Variants in WDTC1 observed in about 807,000 individuals in gnomAD.
The protein encoded by WDTC1 is WD and tetratricopeptide repeats protein 1.
In WDTC1, 12 loss-of-function variants were observed where a neutral mutation model predicts 76.0. The ratio of observed to expected loss-of-function variants is 0.16; its 90% CI spans 0.10 to 0.26. The LOEUF (loss-of-function observed/expected upper bound fraction) is 0.26. Among genes scored for constraint, WDTC1 ranks in the 10% least tolerant of loss-of-function variants. WDTC1 has a pLI of 1.00. For synonymous variants in WDTC1, 326 were observed against 350.8 expected (o/e 0.93, Z 0.79); for missense variants, 511 against 908.8 (o/e 0.56, Z 5.63).
intron 1 of WDTC1, among the ~76,000 whole-genome samples, chr1:27,255,260 C>G (rs954681662): frequency 6.6e-6 from 1 of 152,076 alleles, no homozygotes; most frequent in Admixed American, 6.6e-5. Context: ...GGTGGATTCT[C>G]ATAGTGATTG....
intron 3 of WDTC1, among the ~76,000 whole-genome samples, chr1:27,279,888 C>T (rs545627595): frequency 6.6e-6 from 1 of 152,312 alleles, no homozygotes; most frequent in East Asian, 1.9e-4. Flanking sequence ...CTTGAACTCT[C>T]TTGGTGCAAT....
chr1:27,282,564 G>A (rs1016486021), intron 4 of WDTC1, among the ~76,000 whole-genome samples: 5 of 152,016 alleles, frequency 3.3e-5, no homozygotes, highest in South Asian at 4.1e-4. Flanking sequence ...GTGCAATGGC[G>A]TGATCTTGGC....
In WDTC1 at chr1:27,301,280, C is replaced by T; in HGVS notation, c.1287C>T (p.Asn429=). Residue 429 remains asparagine, a synonymous_variant, in exon 13 of 16, where the codon AAC becomes AAT. Transcript: ENST00000319394. The surrounding 1 kb of genome is among the most constrained non-coding windows in gnomAD (Gnocchi z 5.8). ...LRDCLKAISL[N]PCHLKAHFRL... ...ACTGCCTCAAGGCCATCTCCCTAAA[C>T]CCATGCCACCTGAAGGCACACTTTC... 1 of 1,614,198 alleles carries T rather than the reference C, an allele frequency of 6.2e-7. No homozygotes were observed. The highest frequency in any genetic ancestry group is 8.5e-7 in the Non-Finnish European group (1 of 1,180,040).
intron 3 of WDTC1, among the ~76,000 whole-genome samples, chr1:27,273,593 A>T (rs2012936791): frequency 6.6e-6 from 1 of 152,208 alleles, no homozygotes; most frequent in African/African-American, 2.4e-5. Flanking sequence ...GAGGAAAATA[A>T]AATGGACATT....
intron 3 of WDTC1, among the ~76,000 whole-genome samples, chr1:27,278,486 A>G (rs1167977146): frequency 2.0e-5 from 3 of 152,210 alleles, no homozygotes; most frequent in Non-Finnish European, 4.4e-5. Flanking sequence ...GGAAAATAAT[A>G]TAGCAGTGAA....
chr1:27,290,703 C>T (rs1318534331), intron 6 of WDTC1, among the ~76,000 whole-genome samples: 1 of 152,210 alleles, frequency 6.6e-6, no homozygotes, highest in Non-Finnish European at 1.5e-5. Context: ...CTCCTTTCTT[C>T]AGCTGTGACC....
chr1:27,252,472 C>T (rs1473600556), intron 1 of WDTC1, among the ~76,000 whole-genome samples: 2 of 152,114 alleles, frequency 1.3e-5, no homozygotes, highest in Non-Finnish European at 2.9e-5. Context: ...GTATGCAAAT[C>T]AGGGTATATT....
chr1:27,281,498 C>T (rs551385363), intron 3 of WDTC1, among the ~76,000 whole-genome samples: 1 of 151,336 alleles, frequency 6.6e-6, no homozygotes, highest in African/African-American at 2.4e-5. Context: ...AGTTAATTGG[C>T]TGTCCTTGGA....
intron 1 of WDTC1, among the ~76,000 whole-genome samples, chr1:27,248,742 C>T (rs948700940): frequency 1.3e-5 from 2 of 152,094 alleles, no homozygotes; most frequent in African/African-American, 4.8e-5. Flanking sequence ...TCACTGTAGC[C>T]GAAACCTCCT....
chr1:27,289,134 C>T (rs1320368905), intron 6 of WDTC1, among the ~76,000 whole-genome samples: 5 of 150,068 alleles, frequency 3.3e-5, no homozygotes, highest in Non-Finnish European at 7.5e-5. Flanking sequence ...AGAGGGGCTC[C>T]TCACTTCCCA....
chr1:27,294,428 T>C, intron 8 of WDTC1, 86 bp from the exon 9 acceptor site: 1 of 1,237,624 alleles, frequency 8.1e-7, no homozygotes, highest in Non-Finnish European at 1.2e-6. Context: ...TTGATTGGTA[T>C]AATTTTTGAT....
Position 27,282,283 on chromosome 1 carries a change from A to C in WDTC1, c.177A>C (p.Gly59=), listed in dbSNP as rs200967305. 2.0e-5 allele frequency: 32 copies of C among 1,613,748 alleles called. No individual in the cohort carries two copies. The Middle Eastern group carries it at 5.0e-4, about 25-fold the overall frequency. Residue 59 remains glycine (G), a splice_region_variant and synonymous_variant, in exon 4 of 16, where the codon GGA becomes GGC. Coordinates refer to ENST00000319394, the MANE Select transcript of WDTC1 (RefSeq NM_001276252.2). ...CVNCLEWNEK[G]DLLASGSDDQ... ...ACTGTCTGGAGTGGAATGAGAAAGG[A>C]GAGTAAGTATGAGCTAGAGCACCTG...
In WDTC1 at chr1:27,265,567, CTT is replaced by C. The variant is rs564731373; in HGVS notation, c.132+2333_132+2334del. ...TTGGGAGGCTAAAATGGGAGAATCACTTGGGCCCAGGAGGTTAAGCCTGCAGT... is the reference window on the plus strand; with the variant it reads ...TTGGGAGGCTAAAATGGGAGAATCACGGGCCCAGGAGGTTAAGCCTGCAGT... On this transcript the variant is annotated intron_variant, in intron 3 of 15. Transcript: ENST00000319394. 1.6e-3 allele frequency among the ~76,000 whole-genome samples: 243 copies of C among 152,054 alleles called. 2 individuals carry two copies. Among genetic ancestry groups the C allele is most frequent in the African/African-American group, 5.5e-3 (228 of 41,472 alleles).
At chr1:27,297,802 G>T (rs1296747005) in intron 11 of WDTC1, 136 bp from the exon 12 acceptor site, 2 of 839,840 alleles carry the variant, frequency 2.4e-6, no homozygotes, top group Admixed American at 3.2e-5. Context: ...CCAGGGTAGT[G>T]GTCCCCTCTT....
chr1:27,289,002 C>T (rs1248450004), intron 6 of WDTC1, among the ~76,000 whole-genome samples: 6 of 147,214 alleles, frequency 4.1e-5, no homozygotes, highest in Admixed American at 1.3e-4. Flanking sequence ...CCACCTCCCT[C>T]CCGGACGGGG....
At position 27,294,093 on chromosome 1, in the gene WDTC1, G is replaced by A; in HGVS notation, c.734G>A (p.Gly245Asp). ...FCDRQKPLPDGAAQYYVAGHL... is the reference protein window; with the variant it reads ...FCDRQKPLPDDAAQYYVAGHL... ...GACCGGCAGAAACCCCTTCCGGACG[G>A]TGCAGCCCAGTATTACGTAGCAGGT... is the stretch of plus-strand genomic sequence containing the variant. Residue 245 changes from glycine to aspartate, a missense_variant, in exon 8 of 16, where the codon GGT becomes GAT. By Grantham distance (94) the Gly-to-Asp change is moderately conservative. Coordinates refer to ENST00000319394, the MANE Select transcript of WDTC1 (RefSeq NM_001276252.2). The A allele has an allele frequency of 6.2e-7, 1 of 1,614,092 alleles. No homozygotes were observed.
intron 3 of WDTC1, among the ~76,000 whole-genome samples, chr1:27,264,877 A>C (rs1195158115): frequency 6.6e-6 from 1 of 151,720 alleles, no homozygotes; most frequent in African/African-American, 2.4e-5. Context: ...ATCATGGCTC[A>C]CTGCAGCCTC....
intron 3 of WDTC1, 36 bp downstream of exon 3, chr1:27,263,271 C>T (rs943564773): frequency 9.4e-6 from 15 of 1,595,660 alleles, no homozygotes; most frequent in African/African-American, 2.7e-5. Flanking sequence ...ATGCAGATGG[C>T]CTGCTGTCCA....
chr1:27,271,660 TGGA>T (rs1451447680), intron 3 of WDTC1, among the ~76,000 whole-genome samples: 1 of 147,004 alleles, frequency 6.8e-6, no homozygotes, highest in Non-Finnish European at 1.5e-5. Context: ...TTATTTGAGA[TGGA>T]GTCTCACTCT....
Sources: allele counts gnomAD v4.1 joint callset (sites outside exome capture counted in the v4.1 genomes callset), GRCh38; gene constraint gnomAD v4.1.1; non-coding constraint Gnocchi (gnomAD v3.1); transcripts MANE v1.5; gene names NCBI Gene and HGNC (gene_info 2026-07-23, HGNC 2026-07-21).